Variants in C8orf34 observed in about 807,000 individuals in gnomAD.
The protein encoded by C8orf34 is uncharacterized protein C8orf34.
A neutral mutation model predicts 68.3 loss-of-function variants in C8orf34; 65 were observed. The observed-to-expected ratio is 0.95, with a 90% CI of 0.78 to 1.17. C8orf34 has a LOEUF of 1.17. Among genes scored for constraint, C8orf34 ranks in the 50% most tolerant of loss-of-function variants. The pLI, the probability that C8orf34 is intolerant of heterozygous loss-of-function variation, is 0.00. For synonymous variants in C8orf34, 244 were observed against 241.2 expected, an observed-to-expected ratio of 1.01 and a Z score of -0.11; for missense variants, 664 against 655.4, an observed-to-expected ratio of 1.01 and a Z score of -0.14.
intron 9 of C8orf34, among the ~76,000 whole-genome samples, chr8:68,716,679 C>T (rs571777822): frequency 9.9e-5 from 15 of 151,952 alleles, no homozygotes; most frequent in African/African-American, 3.1e-4. Context: ...AAAAGAAACT[C>T]GTATAAGGCA....
At chr8:68,525,350 G>A (rs959861789) in intron 6 of C8orf34, among the ~76,000 whole-genome samples, 1 of 152,102 alleles carries the variant, frequency 6.6e-6, no homozygotes, top group Non-Finnish European at 1.5e-5. Context: ...TATGTAATCT[G>A]CCCAAGAAAT....
intron 10 of C8orf34, among the ~76,000 whole-genome samples, chr8:68,762,137 A>G (rs1348327498): frequency 6.6e-6 from 1 of 152,168 alleles, no homozygotes; most frequent in Non-Finnish European, 1.5e-5. Flanking sequence ...AGATTCTCTT[A>G]ATTTTCTAAA....
intron 4 of C8orf34, among the ~76,000 whole-genome samples, chr8:68,477,182 T>TG (rs1812655828): frequency 6.6e-6 from 1 of 152,072 alleles, no homozygotes; most frequent in African/African-American, 2.4e-5. Context: ...GCATGAAGGG[T>TG]GAAGCAAATA....
At chr8:68,605,437 T>C (rs375931337) in intron 7 of C8orf34, among the ~76,000 whole-genome samples, 6 of 152,252 alleles carry the variant, frequency 3.9e-5, no homozygotes, top group African/African-American at 1.4e-4. Flanking sequence ...TATTCATAAT[T>C]TTCAAACCTC....
rs896630264 is a variant in C8orf34 at position 68,478,781 on chromosome 8, T to A, written c.737-9242T>A. 5.9e-5 allele frequency among the ~76,000 whole-genome samples: 9 copies of A among 152,274 alleles called. No individual in the cohort carries two copies. In the South Asian group the frequency reaches 1.9e-3, roughly 32 times the overall value. On this transcript the variant is annotated intron_variant, in intron 4 of 13. Coordinates refer to ENST00000518698, the MANE Select transcript of C8orf34 (RefSeq NM_052958.4). Reference sequence around the variant, plus strand: ...TAAAACCATCAGATCTTGTGAGAACTCACTATCATGAGAACAGCATGTGGA... The same window carrying A: ...TAAAACCATCAGATCTTGTGAGAACACACTATCATGAGAACAGCATGTGGA...
intron 10 of C8orf34, among the ~76,000 whole-genome samples, chr8:68,732,874 C>T (rs1822020281): frequency 6.6e-6 from 1 of 152,126 alleles, no homozygotes; most frequent in Non-Finnish European, 1.5e-5. Context: ...ATCAGCCTGG[C>T]CAATATGGCA....
intron 7 of C8orf34, among the ~76,000 whole-genome samples, chr8:68,623,201 C>G (rs758083585): frequency 3.3e-5 from 5 of 152,200 alleles, no homozygotes; most frequent in Non-Finnish European, 7.3e-5. Flanking sequence ...TAAACACTTT[C>G]AAAAGAGTTG....
At chr8:68,568,758 G>A (rs978585046) in intron 7 of C8orf34, among the ~76,000 whole-genome samples, 5 of 152,044 alleles carry the variant, frequency 3.3e-5, no homozygotes, top group South Asian at 2.1e-4. Context: ...AATAGAAATC[G>A]ATAAATTTTA....
intron 5 of C8orf34, among the ~76,000 whole-genome samples, chr8:68,521,369 A>G (rs1191644433): frequency 6.6e-6 from 1 of 152,168 alleles, no homozygotes; most frequent in Non-Finnish European, 1.5e-5. Flanking sequence ...GTTGGAGGCA[A>G]TACACCCTTC....
At chr8:68,330,575 C>T (rs940483711), upstream of C8orf34, 3 of 158,938 alleles carry the variant, frequency 1.9e-5, no homozygotes, top group Non-Finnish European at 4.1e-5. Context: ...TCAGAAGGGG[C>T]GGTGGGGACG....
intron 8 of C8orf34, among the ~76,000 whole-genome samples, chr8:68,666,147 C>G (rs1183671874): frequency 6.6e-6 from 1 of 152,150 alleles, no homozygotes. Context: ...GCCACACAAG[C>G]TGTAAGTAGC....
chr8:68,518,303 T>G (rs1814603381), intron 5 of C8orf34, among the ~76,000 whole-genome samples: 1 of 152,200 alleles, frequency 6.6e-6, no homozygotes, highest in Admixed American at 6.5e-5. Context: ...TCTGAACTAG[T>G]ATATTTAATT....
intron 11 of C8orf34, among the ~76,000 whole-genome samples, chr8:68,786,654 C>T (rs1743742516): frequency 6.6e-6 from 1 of 151,952 alleles, no homozygotes; most frequent in Non-Finnish European, 1.5e-5. Flanking sequence ...CTGGAGTGGT[C>T]AAGGTGGGAT....
intron 7 of C8orf34, among the ~76,000 whole-genome samples, chr8:68,614,135 T>C (rs1480972875): frequency 1.3e-5 from 2 of 152,160 alleles, no homozygotes; most frequent in African/African-American, 2.4e-5. Context: ...TTGATGGGAT[T>C]GTTTGTTTTT....
chr8:68,663,632 T>A (rs2130817784), intron 8 of C8orf34, among the ~76,000 whole-genome samples: 1 of 152,322 alleles, frequency 6.6e-6, no homozygotes, highest in South Asian at 2.1e-4. Context: ...GGACCCCTGC[T>A]ATGTTGTTTG....
At chr8:68,694,052 G>T (rs553099614) in intron 8 of C8orf34, among the ~76,000 whole-genome samples, 2 of 152,104 alleles carry the variant, frequency 1.3e-5, no homozygotes, top group Admixed American at 1.3e-4. Context: ...TGGATGCTCC[G>T]AAAAATATAA....
intron 7 of C8orf34, among the ~76,000 whole-genome samples, chr8:68,601,388 A>G (rs1817693799): frequency 1.3e-5 from 2 of 151,934 alleles, no homozygotes; most frequent in African/African-American, 4.8e-5. Context: ...ATTGTTCTAC[A>G]TGTCCCTAAG....
At chr8:68,604,179 A>G (rs1482072505) in intron 7 of C8orf34, among the ~76,000 whole-genome samples, 1 of 152,112 alleles carries the variant, frequency 6.6e-6, no homozygotes, top group Non-Finnish European at 1.5e-5. Context: ...AGAAGTAAAG[A>G]TAGAGGATAT....
At chr8:68,516,956 G>A (rs116647655) in intron 5 of C8orf34, among the ~76,000 whole-genome samples, 5,655 of 152,050 alleles carry the variant, frequency 0.037, 356 homozygotes, top group African/African-American at 0.13. Context: ...TCTTATTAAA[G>A]TTACGCTGAC....
Sources: gnomAD v4.1 joint callset for allele counts (sites outside exome capture counted in the v4.1 genomes callset) on GRCh38, gnomAD v4.1.1 for gene constraint, MANE v1.5 for transcripts, NCBI Gene and HGNC (gene_info 2026-07-23, HGNC 2026-07-21) for gene names.